The following MAST2 variants were observed in gnomAD, a reference collection of about 807,000 sequenced individuals.
MAST2 encodes microtubule-associated serine/threonine-protein kinase 2.
A neutral mutation model predicts 147.4 loss-of-function variants in MAST2; 70 were observed. That is an observed-to-expected ratio of 0.47 (90% CI 0.39 to 0.58). The LOEUF is 0.58. Ranked by LOEUF, MAST2 falls within the 20% of genes least tolerant of loss-of-function variation. The probability of loss-of-function intolerance (pLI) is 0.00; values close to 1 mark genes in which losing one functional copy is unlikely to be tolerated. For missense variants in MAST2, 2,080 were observed against 2,302.3 expected (o/e 0.90, Z 1.98); for synonymous variants, 869 against 896.8 (o/e 0.97, Z 0.55).
intron 3 of MAST2, among the ~76,000 whole-genome samples, chr1:45,866,841 C>G (rs1268328566): frequency 6.6e-6 from 1 of 151,970 alleles, no homozygotes; most frequent in East Asian, 1.9e-4. Flanking sequence ...CTCCCAGGTT[C>G]AAGTGATTCT....
At chr1:45,884,896 T>C (rs965066929) in intron 4 of MAST2, among the ~76,000 whole-genome samples, 4 of 152,156 alleles carry the variant, frequency 2.6e-5, no homozygotes, top group African/African-American at 9.7e-5. Flanking sequence ...ATCTCTATGC[T>C]TAGTCATCTC....
intron 4 of MAST2, among the ~76,000 whole-genome samples, chr1:45,918,494 A>C (rs1365957531): frequency 3.9e-5 from 6 of 152,192 alleles, no homozygotes; most frequent in Non-Finnish European, 7.4e-5. Flanking sequence ...GCTGGAGTGC[A>C]ATGGCACAAT....
chr1:46,008,476 G>A, intron 9 of MAST2, 105 bp downstream of exon 9: 1 of 728,550 alleles, frequency 1.4e-6, no homozygotes, highest in Non-Finnish European at 2.4e-6. Flanking sequence ...GCTACCTCCA[G>A]AGATAACCAA....
chr1:45,970,342 A>G (rs1355998975), intron 5 of MAST2, among the ~76,000 whole-genome samples: 1 of 152,028 alleles, frequency 6.6e-6, no homozygotes, highest in African/African-American at 2.4e-5. Flanking sequence ...CTGCCCTGGC[A>G]CTGGTTGCTA....
At chr1:45,944,206 C>G (rs1015044755) in intron 4 of MAST2, among the ~76,000 whole-genome samples, 4 of 152,174 alleles carry the variant, frequency 2.6e-5, no homozygotes, top group African/African-American at 9.7e-5. Context: ...ATATCACTTC[C>G]TTTCTTGTAC....
intron 4 of MAST2, among the ~76,000 whole-genome samples, chr1:45,931,472 C>T (rs960456642): frequency 5.8e-5 from 8 of 138,538 alleles, no homozygotes; most frequent in African/African-American, 2.2e-4. Flanking sequence ...CTCAAGTGAT[C>T]TTCCCACCCC....
chr1:45,803,911 TGCCGCGACCGACCGCAGCCGCC>T lies in MAST2; in HGVS notation c.22_43del (p.Asp8ProfsTer47). The stretch of plus-strand genomic sequence containing the variant: ...AGCTGCAGATATGAAGCGGAGCCGC[TGCCGCGACCGACCGCAGCCGCC>T]GCCGCCCGACCGCCGGGAGGATGGA... On this transcript the variant is annotated frameshift_variant, in exon 1 of 29. Transcript: ENST00000361297. LOFTEE classifies it high-confidence loss of function. The T allele has an allele frequency of 6.1e-6, 4 of 658,636 alleles. No homozygotes were observed. The highest frequency in any genetic ancestry group is 3.3e-5 in the South Asian group (1 of 30,642). The allele number at this position is 658,636 out of a possible 1,614,324, so 40.8% of individuals were successfully genotyped here. A position where few individuals can be genotyped will look rare whatever the true frequency, so the allele number is the denominator to read the frequency against.
chr1:45,879,366 A>G (rs1329409798), intron 3 of MAST2, among the ~76,000 whole-genome samples: 2 of 152,120 alleles, frequency 1.3e-5, no homozygotes, highest in African/African-American at 4.8e-5. Flanking sequence ...TGAGGTCAGG[A>G]GTTCTAGACC....
At chr1:45,918,021 C>T (rs181258722) in intron 4 of MAST2, among the ~76,000 whole-genome samples, 3 of 152,244 alleles carry the variant, frequency 2.0e-5, no homozygotes, top group African/African-American at 7.2e-5. Context: ...GCATGGGAAA[C>T]AAAGCAGTGA....
intron 4 of MAST2, among the ~76,000 whole-genome samples, chr1:45,947,232 T>C (rs1288159367): frequency 6.6e-6 from 1 of 151,610 alleles, no homozygotes; most frequent in Non-Finnish European, 1.5e-5. Context: ...GCCAATCTTT[T>C]GGCTTCCCTC....
chr1:45,870,246 T>C (rs1291460396), intron 3 of MAST2, among the ~76,000 whole-genome samples: 2 of 152,164 alleles, frequency 1.3e-5, no homozygotes, highest in Non-Finnish European at 2.9e-5. Context: ...TATACCTGTT[T>C]GACATGCCTT....
At chr1:45,815,855 A>G (rs530109464) in intron 1 of MAST2, among the ~76,000 whole-genome samples, 1 of 152,326 alleles carries the variant, frequency 6.6e-6, no homozygotes, top group South Asian at 2.1e-4. Context: ...TTTCAGGGCC[A>G]TGCCTAACTA....
At chr1:46,029,622 T>G in intron 19 of MAST2, 55 bp downstream of exon 19, 1 of 1,540,786 alleles carries the variant, frequency 6.5e-7, no homozygotes, top group Non-Finnish European at 8.9e-7. Flanking sequence ...TAAGGGAGGC[T>G]GAGTCATGTA....
intron 1 of MAST2, among the ~76,000 whole-genome samples, chr1:45,816,308 C>A (rs116665513): frequency 3.6e-4 from 55 of 151,860 alleles, no homozygotes; most frequent in African/African-American, 1.3e-3. Context: ...AAGCCCAGAT[C>A]GCAAAGGCTA....
intron 3 of MAST2, among the ~76,000 whole-genome samples, chr1:45,872,735 C>T (rs940292578): frequency 1.2e-4 from 18 of 152,248 alleles, no homozygotes; most frequent in Middle Eastern, 3.4e-3. Context: ...CCAGCCTCGG[C>T]CTCCCAAAGT....
At chr1:45,841,085 C>T (rs1645259224) in intron 3 of MAST2, among the ~76,000 whole-genome samples, 2 of 152,090 alleles carry the variant, frequency 1.3e-5, no homozygotes, top group African/African-American at 2.4e-5. Context: ...CCCCACCTTT[C>T]CCGGAAGCTG....
chr1:45,936,543 G>C (rs1557932703), intron 4 of MAST2, among the ~76,000 whole-genome samples: 2 of 152,120 alleles, frequency 1.3e-5, no homozygotes, highest in African/African-American at 2.4e-5. Flanking sequence ...TTGATGCTTA[G>C]TTTGTTGAGG....
At chr1:45,978,537 CAA>C (rs1216965542) in intron 5 of MAST2, among the ~76,000 whole-genome samples, 1 of 151,904 alleles carries the variant, frequency 6.6e-6, no homozygotes, top group Non-Finnish European at 1.5e-5. Flanking sequence ...AAAGAAAATG[CAA>C]AATAAAATCA....
Position 45,959,485 on chromosome 1 carries a change from C to A in MAST2, c.592+8C>A, listed in dbSNP as rs200373226. 2.5e-6 allele frequency: 4 copies of A among 1,611,378 alleles called. No individual in the cohort carries two copies. In the African/African-American group the frequency reaches 5.3e-5, roughly 21 times the overall value. Reference sequence around the variant, plus strand: ...CACTCCATGGCCACACAGGTGAGTGCTTGAAGGTTAAGAAAGGTTGAATGA... The same window carrying A: ...CACTCCATGGCCACACAGGTGAGTGATTGAAGGTTAAGAAAGGTTGAATGA... On this transcript the variant is annotated splice_region_variant and intron_variant, in intron 5 of 28. Transcript: ENST00000361297.
Sources: gnomAD v4.1 joint callset for allele counts (sites outside exome capture counted in the v4.1 genomes callset) on GRCh38, gnomAD v4.1.1 for gene constraint, MANE v1.5 for transcripts, NCBI Gene and HGNC (gene_info 2026-07-23, HGNC 2026-07-21) for gene names.